CCDC92B: variants seen among roughly 807,000 people sequenced by gnomAD.
CCDC92B encodes coiled-coil domain-containing 92B.
CCDC92B carries 2 observed loss-of-function variants against 5.6 expected under a neutral mutation model. The ratio of observed to expected loss-of-function variants is 0.36; its 90% CI spans 0.15 to 1.12. CCDC92B has a LOEUF of 1.12. CCDC92B is among the 50% of genes most tolerant of loss of function. The pLI, the probability that CCDC92B is intolerant of heterozygous loss-of-function variation, is 0.40. For missense variants in CCDC92B, 271 were observed against 262.2 expected (o/e 1.03, Z -0.23); for synonymous variants, 115 against 122.3 (o/e 0.94, Z 0.39).
At chr17:2,749,077 GT>G (rs1197470583) in intron 1 of CCDC92B, among the ~76,000 whole-genome samples, 5 of 152,226 alleles carry the variant, frequency 3.3e-5, no homozygotes, top group African/African-American at 1.2e-4. Flanking sequence ...GAAGGCAGGG[GT>G]TGGGGGGGGG....
At chr17:2,736,558 G>T (rs2070859919) in intron 1 of CCDC92B, among the ~76,000 whole-genome samples, 1 of 151,844 alleles carries the variant, frequency 6.6e-6, no homozygotes, top group African/African-American at 2.4e-5. Context: ...ACCAGCCTGG[G>T]TAACAAAGTG....
Position 2,723,615 on chromosome 17 carries a change from C to G in CCDC92B, c.*796G>C, listed in dbSNP as rs6502481. On this transcript the variant is annotated 3_prime_UTR_variant, in exon 4 of 4. Transcript: ENST00000614400. ...TCCTGAGAAGGAAGACAGCTCCTGC[C>G]TTCCAGAAGCCTGGCCAGCAGCAGG... is the stretch of plus-strand genomic sequence containing the variant. The G allele has an allele frequency of 0.067, 10,260 of 152,390 alleles. 659 individuals are homozygous for G. Among genetic ancestry groups the G allele is most frequent in the African/African-American group, 0.17 (7,037 of 41,492 alleles). 9.4% of individuals were successfully genotyped at this position (152,390 alleles called of 1,614,324 possible).
intron 3 of CCDC92B, among the ~76,000 whole-genome samples, chr17:2,728,478 C>T (rs539553496): frequency 2.8e-4 from 42 of 151,988 alleles, no homozygotes; most frequent in African/African-American, 5.3e-4. Flanking sequence ...TGGTGGCGGG[C>T]GCCTGTAGTC....
intron 2 of CCDC92B, among the ~76,000 whole-genome samples, chr17:2,731,333 C>A (rs1454626699): frequency 8.5e-5 from 13 of 152,090 alleles, no homozygotes; most frequent in Admixed American, 8.5e-4. Context: ...ATTTTTCCAG[C>A]CCCACCCCCA....
intron 1 of CCDC92B, among the ~76,000 whole-genome samples, chr17:2,737,153 A>G (rs1567615946): frequency 6.6e-6 from 1 of 151,972 alleles, no homozygotes; most frequent in Non-Finnish European, 1.5e-5. Context: ...GACCGCGAAC[A>G]CTGGAGCCCA....
rs557299676 is a variant in CCDC92B, at chr17:2,724,950, G to C, written c.229C>G (p.Leu77Val). Residue 77 changes from leucine to valine, a missense_variant, in exon 4 of 4, where the codon CTG (leucine) becomes GTG (valine). Coordinates refer to ENST00000614400, the MANE Select transcript of CCDC92B (RefSeq NM_001355573.2). This position sits in a 1 kb window ranked among gnomAD's most constrained non-coding sequence, Gnocchi z 5.0. ...ESKCRALESQ[L>V]EARAAANAEL... ...GCGTTGGCCGCAGCACGCGCCTCCA[G>C]CTGCGACTCCAGCGCGCGGCACTTG... The C allele has an allele frequency of 1.0e-6, 1 of 985,550 alleles. No homozygotes were observed. The highest frequency in any genetic ancestry group is 4.7e-5 in the South Asian group (1 of 21,292). The allele number at this position is 985,550 out of a possible 1,614,324, so 61.1% of individuals were successfully genotyped here. A position where few individuals can be genotyped will look rare whatever the true frequency, so the allele number is the denominator to read the frequency against.
At chr17:2,726,895 G>T (rs1039333014) in intron 3 of CCDC92B, among the ~76,000 whole-genome samples, 5 of 149,632 alleles carry the variant, frequency 3.3e-5, no homozygotes, top group Non-Finnish European at 7.4e-5. Context: ...TTACAGGCGT[G>T]AGCCACCACG....
Position 2,723,875 on chromosome 17 carries a change from C to A in CCDC92B, c.*536G>T. ...TCCGTGCTCACCTGCAAGGACCTATCGGCAGGGTCAGGGTGGGGGTAGAAG... is the reference window on the plus strand; with the variant it reads ...TCCGTGCTCACCTGCAAGGACCTATAGGCAGGGTCAGGGTGGGGGTAGAAG... On this transcript the variant is annotated 3_prime_UTR_variant, in exon 4 of 4. Transcript: ENST00000614400. 2 of 855,662 alleles carry A rather than the reference C, an allele frequency of 2.3e-6. No individual in the cohort carries two copies. Among genetic ancestry groups the A allele is most frequent in the Non-Finnish European group, 2.8e-6 (2 of 711,432 alleles). 53.0% of individuals were successfully genotyped at this position (855,662 alleles called of 1,614,324 possible). A position where few individuals can be genotyped will look rare whatever the true frequency, so the allele number is the denominator to read the frequency against.
At chr17:2,739,665 G>A (rs1190603378) in intron 1 of CCDC92B, among the ~76,000 whole-genome samples, 5 of 152,074 alleles carry the variant, frequency 3.3e-5, no homozygotes, top group African/African-American at 1.2e-4. Flanking sequence ...CTGGGCTACA[G>A]AGCAAGACTC....
intron 1 of CCDC92B, among the ~76,000 whole-genome samples, chr17:2,737,914 A>G (rs2070874852): frequency 6.6e-6 from 1 of 151,956 alleles, no homozygotes; most frequent in African/African-American, 2.4e-5. Flanking sequence ...TTCAGCGGGT[A>G]TTACCACCCC....
intron 1 of CCDC92B, among the ~76,000 whole-genome samples, chr17:2,737,774 C>A (rs922495462): frequency 4.6e-5 from 7 of 151,956 alleles, no homozygotes; most frequent in Non-Finnish European, 1.0e-4. Context: ...CCGCGTCCAG[C>A]CATCCAAATA....
At position 2,723,908 on chromosome 17, in the gene CCDC92B, C is replaced by A. The variant is rs2070689027; in HGVS notation, c.*503G>T. ...TCAGGGTGGGGGTAGAAGGACCAGC[C>A]CCTAGCCTGGGCCTCTCCTGGGGAG... On this transcript the variant is annotated 3_prime_UTR_variant, in exon 4 of 4. Coordinates refer to ENST00000614400, the MANE Select transcript of CCDC92B (RefSeq NM_001355573.2). 9 of 983,908 alleles carry A rather than the reference C, an allele frequency of 9.1e-6. No homozygotes were observed. Among genetic ancestry groups the A allele is most frequent in the Non-Finnish European group, 1.1e-5 (9 of 828,934 alleles). 60.9% of individuals were successfully genotyped at this position (983,908 alleles called of 1,614,324 possible). A position where few individuals can be genotyped will look rare whatever the true frequency, so the allele number is the denominator to read the frequency against.
intron 3 of CCDC92B, among the ~76,000 whole-genome samples, chr17:2,725,297 C>A (rs11654013): frequency 0.62 from 93,694 of 151,580 alleles, 34,322 homozygotes; most frequent in Non-Finnish European, 0.8. Flanking sequence ...ACAGGGGACT[C>A]GCTTGAACCG....
chr17:2,728,701 T>C (rs376181896), intron 3 of CCDC92B, among the ~76,000 whole-genome samples: 6 of 151,926 alleles, frequency 3.9e-5, no homozygotes, highest in South Asian at 4.2e-4. Flanking sequence ...TAAAGGACAG[T>C]AAGTGGGGTG....
intron 3 of CCDC92B, among the ~76,000 whole-genome samples, chr17:2,728,520 G>A (rs1226282883): frequency 3.3e-5 from 5 of 151,570 alleles, no homozygotes; most frequent in African/African-American, 9.7e-5. Context: ...GCAGAATGGC[G>A]TGAACCCGGG....
intron 1 of CCDC92B, among the ~76,000 whole-genome samples, chr17:2,747,164 T>G (rs999628431): frequency 1.1e-4 from 16 of 152,194 alleles, no homozygotes; most frequent in Non-Finnish European, 2.2e-4. Flanking sequence ...TGCCTGGGGT[T>G]TGCATTGTCT....
At chr17:2,741,828 G>A (rs78668851) in intron 1 of CCDC92B, among the ~76,000 whole-genome samples, 1 of 150,960 alleles carries the variant, frequency 6.6e-6, no homozygotes, top group African/African-American at 2.4e-5. Flanking sequence ...TCTTGACCTC[G>A]TGATCCGCCT....
intron 1 of CCDC92B, chr17:2,748,006 G>A (rs1291302120): frequency 2.4e-6 from 1 of 417,236 alleles, no homozygotes; most frequent in Non-Finnish European, 4.7e-6. Flanking sequence ...AGGTAAAGTA[G>A]TTTGCTCAGT....
Position 2,723,907 on chromosome 17 carries a change from C to T in CCDC92B, c.*504G>A. 3 of 983,612 alleles carry T rather than the reference C, an allele frequency of 3.0e-6. No individual in the cohort carries two copies. Among genetic ancestry groups the T allele is most frequent in the Non-Finnish European group, 3.6e-6 (3 of 828,542 alleles). 60.9% of individuals were successfully genotyped at this position (983,612 alleles called of 1,614,324 possible). On this transcript the variant is annotated 3_prime_UTR_variant, in exon 4 of 4. Coordinates refer to ENST00000614400, the MANE Select transcript of CCDC92B (RefSeq NM_001355573.2). ...GTCAGGGTGGGGGTAGAAGGACCAGCCCCTAGCCTGGGCCTCTCCTGGGGA... is the reference window on the plus strand; with the variant it reads ...GTCAGGGTGGGGGTAGAAGGACCAGTCCCTAGCCTGGGCCTCTCCTGGGGA...
Sources: gnomAD v4.1 joint callset for allele counts (sites outside exome capture counted in the v4.1 genomes callset) on GRCh38, gnomAD v4.1.1 for gene constraint, Gnocchi (gnomAD v3.1) non-coding constraint, MANE v1.5 for transcripts, NCBI Gene and HGNC (gene_info 2026-07-23, HGNC 2026-07-21) for gene names.